NSUN6: variants seen among roughly 807,000 people sequenced by gnomAD.
NSUN6 encodes tRNA (cytosine(72)-C(5))-methyltransferase NSUN6.
A neutral mutation model predicts 58.0 loss-of-function variants in NSUN6; 64 were observed. That is an observed-to-expected ratio of 1.10 (90% confidence interval 0.90 to 1.36). The LOEUF (loss-of-function observed/expected upper bound fraction) is 1.36. Ranked by LOEUF, NSUN6 falls within the 40% of genes most tolerant of loss-of-function variation. NSUN6 has a pLI of 0.00. For synonymous variants in NSUN6, 231 were observed against 193.9 expected, an observed-to-expected ratio of 1.19 and a Z score of -1.59; for missense variants, 701 against 550.1, an observed-to-expected ratio of 1.27 and a Z score of -2.74.
chr10:18,575,868 T>G (rs2056622520), intron 8 of NSUN6, among the ~76,000 whole-genome samples: 2 of 152,204 alleles, frequency 1.3e-5, no homozygotes, highest in South Asian at 4.1e-4. Flanking sequence ...CTTTCTCTTC[T>G]CTTAAAACTA....
At chr10:18,653,057 A>T, upstream of NSUN6, 2 of 984,602 alleles carry the variant, frequency 2.0e-6, no homozygotes, top group Non-Finnish European at 2.4e-6. Context: ...TAAATGTCTA[A>T]ATCAGACATT....
intron 8 of NSUN6, among the ~76,000 whole-genome samples, chr10:18,560,815 T>C (rs902299266): frequency 1.2e-4 from 18 of 144,136 alleles, no homozygotes; most frequent in Non-Finnish European, 2.4e-4. Context: ...GAGAATGATA[T>C]GGAACGGAAT....
chr10:18,610,402 A>C (rs1047867413), intron 5 of NSUN6, among the ~76,000 whole-genome samples: 6 of 152,172 alleles, frequency 3.9e-5, no homozygotes, highest in Non-Finnish European at 7.4e-5. Flanking sequence ...TAGTCCTGTG[A>C]ATTGTTTTTG....
At chr10:18,650,163 T>G (rs761962701) in intron 1 of NSUN6, among the ~76,000 whole-genome samples, 26 of 152,206 alleles carry the variant, frequency 1.7e-4, no homozygotes, top group Non-Finnish European at 2.6e-4. Flanking sequence ...TAACATTTTT[T>G]GAAGACTTAC....
chr10:18,571,172 C>A (rs1045711417), intron 8 of NSUN6, among the ~76,000 whole-genome samples: 1 of 151,190 alleles, frequency 6.6e-6, no homozygotes, highest in African/African-American at 2.4e-5. Flanking sequence ...TCACTGCATT[C>A]CATTCTCCAT....
At chr10:18,638,947 TAAAA>T (rs35673571) in intron 3 of NSUN6, among the ~76,000 whole-genome samples, 9 of 107,068 alleles carry the variant, frequency 8.4e-5, no homozygotes, top group African/African-American at 2.6e-4. Context: ...TTGACAATGT[TAAAA>T]AAAAAAAAAA....
intron 5 of NSUN6, among the ~76,000 whole-genome samples, chr10:18,613,603 T>C (rs1386834158): frequency 6.6e-6 from 1 of 152,154 alleles, no homozygotes; most frequent in African/African-American, 2.4e-5. Flanking sequence ...ACAGCAGATA[T>C]ATGCACATAA....
intron 7 of NSUN6, among the ~76,000 whole-genome samples, chr10:18,590,269 G>T (rs761399536): frequency 1.3e-4 from 20 of 152,174 alleles, no homozygotes; most frequent in Non-Finnish European, 2.8e-4. Flanking sequence ...CAAGTTCTTA[G>T]AGACCTACAA....
chr10:18,552,161 T>A (rs10828901), intron 8 of NSUN6, among the ~76,000 whole-genome samples, 190 bp from the exon 9 acceptor site: 110,914 of 151,468 alleles, frequency 0.73, 40,710 homozygotes, highest in East Asian at 0.97. Context: ...TAGAAAGGTT[T>A]AAAATGTAGT....
chr10:18,577,080 T>A (rs1427855525), intron 8 of NSUN6, among the ~76,000 whole-genome samples: 2 of 152,186 alleles, frequency 1.3e-5, no homozygotes, highest in African/African-American at 4.8e-5. Flanking sequence ...ACACTATATC[T>A]ATTACAACCA....
chr10:18,553,453 T>C (rs1006076369), intron 8 of NSUN6, among the ~76,000 whole-genome samples: 4 of 146,940 alleles, frequency 2.7e-5, no homozygotes, highest in Non-Finnish European at 4.5e-5. Flanking sequence ...CGAAATGGAA[T>C]GGAATGGAGA....
intron 3 of NSUN6, among the ~76,000 whole-genome samples, chr10:18,626,021 T>A (rs1428132842): frequency 2.0e-5 from 3 of 152,090 alleles, no homozygotes; most frequent in Admixed American, 1.3e-4. Flanking sequence ...CAGGCAGACA[T>A]TCTCAATCAA....
chr10:18,638,872 TA>T (rs2059303580), intron 3 of NSUN6, among the ~76,000 whole-genome samples: 2 of 141,838 alleles, frequency 1.4e-5, no homozygotes, highest in Non-Finnish European at 3.0e-5. Flanking sequence ...AACTGTGCCA[TA>T]AGGACTGAAA....
chr10:18,636,001 T>C (rs2131522854), intron 3 of NSUN6, among the ~76,000 whole-genome samples: 2 of 151,432 alleles, frequency 1.3e-5, no homozygotes, highest in South Asian at 4.2e-4. Flanking sequence ...GAAAAGTTTT[T>C]GGTGGGCCTT....
intron 8 of NSUN6, among the ~76,000 whole-genome samples, chr10:18,573,018 G>A (rs1420064033): frequency 8.2e-6 from 1 of 122,576 alleles, no homozygotes; most frequent in African/African-American, 3.2e-5. Context: ...ATTCTCCACT[G>A]TATTCCATTC....
chr10:18,568,147 CATTCCATTCTCCATTCCATTATCCATTCT>C (rs2056101231), intron 8 of NSUN6, among the ~76,000 whole-genome samples: 2 of 151,200 alleles, frequency 1.3e-5, no homozygotes, highest in African/African-American at 4.8e-5. Context: ...TTTCTCATGC[CATTCCATTCTCCATTCCATTATCCATTCT>C]ATTCCATTCT....
At chr10:18,613,627 GA>G (rs1489496869) in intron 5 of NSUN6, among the ~76,000 whole-genome samples, 2 of 152,176 alleles carry the variant, frequency 1.3e-5, no homozygotes, top group African/African-American at 4.8e-5. Flanking sequence ...TTATATTCAT[GA>G]AGCCTTCTAA....
chr10:18,572,466 T>C (rs2056422703), intron 8 of NSUN6, among the ~76,000 whole-genome samples: 1 of 150,304 alleles, frequency 6.7e-6, no homozygotes, highest in Admixed American at 6.6e-5. Flanking sequence ...TCTGTTCTAT[T>C]CCCAATTAAA....
chr10:18,626,782 A>G (rs1006664356), intron 3 of NSUN6, among the ~76,000 whole-genome samples: 1 of 152,108 alleles, frequency 6.6e-6, no homozygotes, highest in African/African-American at 2.4e-5. Context: ...GGGGGAAAAA[A>G]AAAGATGGAA....
Sources: gnomAD v4.1 joint callset for allele counts (sites outside exome capture counted in the v4.1 genomes callset) on GRCh38, gnomAD v4.1.1 for gene constraint, MANE v1.5 for transcripts, NCBI Gene and HGNC (gene_info 2026-07-23, HGNC 2026-07-21) for gene names.